The following OTULIN variants were observed in gnomAD, a reference collection of about 807,000 sequenced individuals.
OTULIN encodes ubiquitin thioesterase otulin.
A neutral mutation model predicts 39.6 loss-of-function variants in OTULIN; 15 were observed. The ratio of observed to expected loss-of-function variants is 0.38; its 90% CI spans 0.25 to 0.58. The LOEUF is 0.58. Among genes scored for constraint, OTULIN ranks in the 20% least tolerant of loss-of-function variants. The probability of loss-of-function intolerance (pLI) is 0.66; values close to 1 mark genes in which losing one functional copy is unlikely to be tolerated. For missense variants in OTULIN, 319 were observed against 445.9 expected, an observed-to-expected ratio of 0.72 and a Z score of 2.56; for synonymous variants, 156 against 170.3, an observed-to-expected ratio of 0.92 and a Z score of 0.65.
At chr5:14,685,192 A>G (rs1248646463) in intron 4 of OTULIN, among the ~76,000 whole-genome samples, 1 of 152,236 alleles carries the variant, frequency 6.6e-6, no homozygotes. Flanking sequence ...TAGACTGTGT[A>G]TCAAAATTTT....
the OTULIN span, among the ~76,000 whole-genome samples, chr5:14,714,201 GTCACTTCCCTT>G: frequency 6.6e-6 from 1 of 152,318 alleles, no homozygotes; most frequent in African/African-American, 2.4e-5. Flanking sequence ...TTCCACCGAG[GTCACTTCCCTT>G]TCTCCCTCCT....
the OTULIN span, among the ~76,000 whole-genome samples, chr5:14,713,184 A>G: frequency 3.3e-5 from 5 of 152,196 alleles, no homozygotes; most frequent in South Asian, 1.0e-3. The surrounding 1 kb of genome is among the most constrained non-coding windows in gnomAD (Gnocchi z 4.4). Context: ...CCCACAGCAC[A>G]TGGATCCCAC....
downstream of OTULIN, among the ~76,000 whole-genome samples, chr5:14,704,507 T>G (rs1486342404): frequency 6.6e-6 from 1 of 152,040 alleles, no homozygotes; most frequent in African/African-American, 2.4e-5. Context: ...TATAGAGAAG[T>G]TGGAGAGGGT....
the OTULIN span, chr5:14,710,083 C>T: frequency 2.6e-5 from 4 of 152,116 alleles, no homozygotes; most frequent in Admixed American, 2.6e-4. Context: ...CACATAGTGA[C>T]TCTGGTATCG....
intron 5 of OTULIN, among the ~76,000 whole-genome samples, chr5:14,689,683 C>T (rs1736473601): frequency 1.3e-5 from 2 of 152,190 alleles, no homozygotes; most frequent in African/African-American, 2.4e-5. Context: ...ATAATTGTAG[C>T]TGCCCTTCAC....
At chr5:14,676,422 G>A (rs886348593) in intron 2 of OTULIN, among the ~76,000 whole-genome samples, 1 of 152,208 alleles carries the variant, frequency 6.6e-6, no homozygotes, top group South Asian at 2.1e-4. Flanking sequence ...AGCCATTGGA[G>A]TCCTCCTCAG....
At chr5:14,665,428 A>G (rs1447852602) in intron 1 of OTULIN, among the ~76,000 whole-genome samples, 1 of 152,232 alleles carries the variant, frequency 6.6e-6, no homozygotes. Flanking sequence ...TTGGACCCAA[A>G]GAGAATCTGA....
At position 14,699,434 on chromosome 5, in the gene OTULIN, A is replaced by T. The variant is rs1736751577; in HGVS notation, c.*6386A>T. 1 of 152,232 alleles carries T rather than the reference A, an allele frequency of 6.6e-6. No homozygotes were observed. Among genetic ancestry groups the T allele is most frequent in the Admixed American group, 6.5e-5 (1 of 15,282 alleles). 9.4% of individuals were successfully genotyped at this position (152,232 alleles called of 1,614,324 possible). A position where few individuals can be genotyped will look rare whatever the true frequency, so the allele number is the denominator to read the frequency against. ...ATTAGACGGCAGTGCTAAGTCGGTC[A>T]TGTGCAGCAGAAAGACCTCCCCACT... On this transcript the variant is annotated 3_prime_UTR_variant, in exon 7 of 7. Coordinates refer to ENST00000284274, the MANE Select transcript of OTULIN (RefSeq NM_138348.6).
chr5:14,673,979 C>T (rs1462179927), intron 2 of OTULIN: 3 of 227,860 alleles, frequency 1.3e-5, no homozygotes, highest in Non-Finnish European at 1.7e-5. Context: ...CTCTTGACAC[C>T]GTCCTCTCTC....
At position 14,684,924 on chromosome 5, in the gene OTULIN, C is replaced by T. The variant is rs570003077; in HGVS notation, c.469-2597C>T. On this transcript the variant is annotated intron_variant, in intron 4 of 6. Transcript: ENST00000284274. ...TTTGCCCCTCTGACAGTTCGGCTGTCCCTCACCTCCTGTCATCCTGCCCAG... is the reference window on the plus strand; with the variant it reads ...TTTGCCCCTCTGACAGTTCGGCTGTTCCTCACCTCCTGTCATCCTGCCCAG... Among the ~76,000 whole-genome samples the T allele has an allele frequency of 2.0e-5, 3 of 152,306 alleles. No homozygotes were observed. The East Asian group carries it at 5.8e-4, about 29-fold the overall frequency.
chr5:14,676,056 A>G (rs556232782), intron 2 of OTULIN, among the ~76,000 whole-genome samples: 11 of 152,160 alleles, frequency 7.2e-5, no homozygotes, highest in African/African-American at 2.4e-4. Context: ...CCCGTTACAG[A>G]CAAAGATTGA....
intron 6 of OTULIN, 142 bp from the exon 7 acceptor site, chr5:14,692,712 T>C (rs563470756): frequency 4.1e-5 from 23 of 555,632 alleles, no homozygotes; most frequent in South Asian, 2.6e-4. Context: ...TCGAAAAGGA[T>C]TGGGGCTGGG....
At chr5:14,686,663 G>C (rs145756430) in intron 4 of OTULIN, among the ~76,000 whole-genome samples, 1 of 152,104 alleles carries the variant, frequency 6.6e-6, no homozygotes, top group Non-Finnish European at 1.5e-5. Flanking sequence ...TGACACACCT[G>C]TGCCCAGCCT....
intron 1 of OTULIN, among the ~76,000 whole-genome samples, chr5:14,666,318 G>C (rs963111040): frequency 6.6e-6 from 1 of 152,238 alleles, no homozygotes; most frequent in Non-Finnish European, 1.5e-5. Context: ...ATGATAGGAA[G>C]AGTGCTCTTT....
chr5:14,712,999 T>C, the OTULIN span: 3 of 1,602,528 alleles, frequency 1.9e-6, no homozygotes, highest in South Asian at 1.1e-5. Context: ...CAAAGGCAAT[T>C]TGTCTGTTAA....
At chr5:14,683,472 A>G (rs1332736542) in intron 4 of OTULIN, among the ~76,000 whole-genome samples, 1 of 152,228 alleles carries the variant, frequency 6.6e-6, no homozygotes, top group Non-Finnish European at 1.5e-5. Context: ...CTATGGTTGG[A>G]TATAAGACCC....
At chr5:14,682,570 C>T (rs1021905067) in intron 4 of OTULIN, among the ~76,000 whole-genome samples, 5 of 151,928 alleles carry the variant, frequency 3.3e-5, no homozygotes, top group Middle Eastern at 3.4e-3. Context: ...ATCCAAAACC[C>T]AGAAATGCTA....
rs1736703650 is a variant in OTULIN at position 14,697,598 on chromosome 5, T to G, written c.*4550T>G. 6.6e-6 allele frequency: 1 copy of G among 152,234 alleles called. No homozygotes were observed. The highest frequency in any genetic ancestry group is 1.5e-5 in the Non-Finnish European group (1 of 68,046). The allele number at this position is 152,234 out of a possible 1,614,324, so 9.4% of individuals were successfully genotyped here. A position where few individuals can be genotyped will look rare whatever the true frequency, so the allele number is the denominator to read the frequency against. ...AGTCTAGAAACACATACATTAATTG[T>G]ATTGAAATGTTATATCAATACATCA... On this transcript the variant is annotated 3_prime_UTR_variant, in exon 7 of 7. Coordinates refer to ENST00000284274, the MANE Select transcript of OTULIN (RefSeq NM_138348.6).
In OTULIN at chr5:14,690,297, G is replaced by C; in HGVS notation, c.853G>C (p.Gly285Arg). ...CCTCAACCAGGTGGGACACACTGGT[G>C]GTCTTGAACAGGTAAGTTGTGCTTT... ...NHLNQVGHTG[G>R]LEQVEMFLLA... The change falls in exon 6 of 7, where the codon GGT (glycine) becomes CGT (arginine). Residue 285 changes from glycine to arginine, a missense_variant. By Grantham distance (125) the Gly-to-Arg change is moderately radical. Transcript: ENST00000284274. The surrounding 1 kb of genome is among the most constrained non-coding windows in gnomAD (Gnocchi z 4.5). The C allele has an allele frequency of 6.2e-7, 1 of 1,613,822 alleles. No individual in the cohort carries two copies. Among genetic ancestry groups the C allele is most frequent in the Non-Finnish European group, 8.5e-7 (1 of 1,179,904 alleles).
Sources: allele counts gnomAD v4.1 joint callset (sites outside exome capture counted in the v4.1 genomes callset), GRCh38; gene constraint gnomAD v4.1.1; non-coding constraint Gnocchi (gnomAD v3.1); transcripts MANE v1.5; gene names NCBI Gene and HGNC (gene_info 2026-07-23, HGNC 2026-07-21).